TTLL7: variants seen among roughly 807,000 people sequenced by gnomAD.
TTLL7 encodes tubulin tyrosine ligase like 7.
In TTLL7, 53 loss-of-function variants were observed where a neutral mutation model predicts 120.2. That is an observed-to-expected ratio of 0.44 (90% CI 0.35 to 0.55). The LOEUF is 0.55. Ranked by LOEUF, TTLL7 falls within the 20% of genes least tolerant of loss-of-function variation. The probability of loss-of-function intolerance (pLI) is 0.00; values close to 1 mark genes in which losing one functional copy is unlikely to be tolerated. For synonymous variants in TTLL7, 353 were observed against 351.7 expected, an observed-to-expected ratio of 1.00 and a Z score of -0.04; for missense variants, 803 against 1,054.7, an observed-to-expected ratio of 0.76 and a Z score of 3.31.
At chr1:83,916,058 T>C (rs1313626635) in intron 14 of TTLL7, among the ~76,000 whole-genome samples, 6 of 152,154 alleles carry the variant, frequency 3.9e-5, no homozygotes, top group Non-Finnish European at 7.4e-5. Flanking sequence ...GTAAACTAGT[T>C]CAACCATTGT....
chr1:83,872,431 T>C (rs1268931563), intron 20 of TTLL7, among the ~76,000 whole-genome samples: 1 of 152,226 alleles, frequency 6.6e-6, no homozygotes, highest in African/African-American at 2.4e-5. Flanking sequence ...TCCAGTATTC[T>C]CTGCCATGAA....
chr1:83,929,441 T>C (rs1490102843), intron 9 of TTLL7, among the ~76,000 whole-genome samples: 2 of 152,128 alleles, frequency 1.3e-5, no homozygotes, highest in Non-Finnish European at 2.9e-5. Flanking sequence ...CACCATCTCC[T>C]TCCCAAGGCT....
chr1:83,993,976 T>C (rs1426472575), intron 1 of TTLL7, among the ~76,000 whole-genome samples: 1 of 152,226 alleles, frequency 6.6e-6, no homozygotes, highest in African/African-American at 2.4e-5. Flanking sequence ...TTTGCTAAGC[T>C]CACTTCAACT....
At chr1:83,919,330 C>T (rs1410077104) in intron 13 of TTLL7, among the ~76,000 whole-genome samples, 1 of 150,780 alleles carries the variant, frequency 6.6e-6, no homozygotes, top group Non-Finnish European at 1.5e-5. Context: ...ATCTACATAG[C>T]ATCAAGAAAA....
chr1:83,996,491 G>A (rs1653490358), intron 1 of TTLL7, among the ~76,000 whole-genome samples: 1 of 152,166 alleles, frequency 6.6e-6, no homozygotes, highest in Non-Finnish European at 1.5e-5. Flanking sequence ...TCCAGTCTCT[G>A]AGACTGATTT....
chr1:83,994,692 C>G (rs1653324360), intron 1 of TTLL7, among the ~76,000 whole-genome samples: 1 of 152,190 alleles, frequency 6.6e-6, no homozygotes, highest in Admixed American at 6.5e-5. Flanking sequence ...TCTTTAATGT[C>G]TGTCAACTGT....
intron 6 of TTLL7, among the ~76,000 whole-genome samples, chr1:83,946,860 A>G (rs1648552737): frequency 6.6e-6 from 1 of 152,200 alleles, no homozygotes; most frequent in South Asian, 2.1e-4. Context: ...AAAACAGAGA[A>G]TAGCTTTTTC....
At chr1:83,994,882 T>C (rs762096464) in intron 1 of TTLL7, among the ~76,000 whole-genome samples, 12 of 152,180 alleles carry the variant, frequency 7.9e-5, no homozygotes, top group Non-Finnish European at 1.5e-4. Context: ...TATAAGAGGA[T>C]AGAATAAACT....
chr1:83,892,585 A>ACATATAT lies in TTLL7; in HGVS notation c.2209-2105_2209-2104insATATATG, dbSNP rs1557565866. Among the ~76,000 whole-genome samples the ACATATAT allele has an allele frequency of 3.3e-3, 264 of 80,330 alleles. 4 individuals carry two copies. The highest frequency in any genetic ancestry group is 5.4e-3 in the Non-Finnish European group (178 of 32,792). 52.7% of individuals were successfully genotyped at this position (80,330 alleles called of 152,430 possible). The stretch of plus-strand genomic sequence containing the variant: ...ATATGAACATATATATGAACATATA[A>ACATATAT]ATGAACATATGAATGAACATATATA... On this transcript the variant is annotated intron_variant, in intron 18 of 20. Transcript: ENST00000260505.
chr1:83,974,999 T>C (rs1249241508), intron 1 of TTLL7, among the ~76,000 whole-genome samples: 2 of 152,058 alleles, frequency 1.3e-5, no homozygotes, highest in Admixed American at 6.6e-5. Flanking sequence ...CTCAACCATA[T>C]GCTAATTCAT....
chr1:83,915,912 A>C lies in TTLL7; in HGVS notation c.1587+1692T>G, dbSNP rs1296419362. 2.0e-5 allele frequency among the ~76,000 whole-genome samples: 3 copies of C among 152,278 alleles called. No individual in the cohort carries two copies. The East Asian group carries it at 5.8e-4, about 29-fold the overall frequency. ...AAAATGCTCATCATCACTGACCATC[A>C]GAGAAATGCAAATCAAAACCACAAT... On this transcript the variant is annotated intron_variant, in intron 14 of 20. Transcript: ENST00000260505.
chr1:83,889,132 C>T (rs1655224774), intron 19 of TTLL7, among the ~76,000 whole-genome samples: 1 of 152,058 alleles, frequency 6.6e-6, no homozygotes, highest in African/African-American at 2.4e-5. Context: ...AAGAAACTTA[C>T]AATCATGGCA....
intron 18 of TTLL7, among the ~76,000 whole-genome samples, chr1:83,892,639 C>T (rs1418388477): frequency 3.4e-5 from 5 of 147,320 alleles, no homozygotes; most frequent in Admixed American, 6.8e-5. Context: ...TATGAATGAA[C>T]ATATATATGA....
intron 18 of TTLL7, chr1:83,902,132 C>A (rs1294338384): frequency 6.6e-6 from 1 of 151,946 alleles, no homozygotes; most frequent in Non-Finnish European, 1.5e-5. Context: ...GGAAAACCCT[C>A]CCCCTCTCAC....
chr1:83,994,916 T>C (rs545393047), intron 1 of TTLL7, among the ~76,000 whole-genome samples: 1 of 152,312 alleles, frequency 6.6e-6, no homozygotes, highest in East Asian at 1.9e-4. Context: ...GATAGATATG[T>C]GTGTTGTGGG....
At chr1:83,960,321 G>C (rs2100535855) in intron 1 of TTLL7, among the ~76,000 whole-genome samples, 1 of 152,260 alleles carries the variant, frequency 6.6e-6, no homozygotes, top group South Asian at 2.1e-4. Flanking sequence ...GGGGGCAGTA[G>C]TGGAGACAAT....
intron 14 of TTLL7, among the ~76,000 whole-genome samples, chr1:83,913,495 A>G (rs1248076028): frequency 6.6e-6 from 1 of 152,168 alleles, no homozygotes; most frequent in Non-Finnish European, 1.5e-5. Context: ...ATTATCTCCA[A>G]TTATTCTTCT....
intron 9 of TTLL7, among the ~76,000 whole-genome samples, chr1:83,932,180 G>A (rs1489251738): frequency 2.0e-5 from 3 of 152,050 alleles, no homozygotes; most frequent in Non-Finnish European, 4.4e-5. Flanking sequence ...TTCTAAAAAG[G>A]TAACTAAGAT....
intron 14 of TTLL7, among the ~76,000 whole-genome samples, chr1:83,913,958 A>G (rs1283774565): frequency 6.6e-6 from 1 of 152,238 alleles, no homozygotes; most frequent in Non-Finnish European, 1.5e-5. Flanking sequence ...CTGAATAGCA[A>G]TAATTAATAT....
Sources: allele counts gnomAD v4.1 joint callset (sites outside exome capture counted in the v4.1 genomes callset), GRCh38; gene constraint gnomAD v4.1.1; transcripts MANE v1.5; gene names NCBI Gene and HGNC (gene_info 2026-07-23, HGNC 2026-07-21).